The following NAV2 variants were observed in gnomAD, a reference collection of about 807,000 sequenced individuals.
The protein encoded by NAV2 is helicase, APC down-regulated 1.
In NAV2, 54 loss-of-function variants were observed where a neutral mutation model predicts 223.2. The observed-to-expected ratio is 0.24, with a 90% CI of 0.19 to 0.30. The LOEUF (loss-of-function observed/expected upper bound fraction) is 0.30. Ranked by LOEUF, NAV2 falls within the 10% of genes least tolerant of loss-of-function variation. The probability of loss-of-function intolerance (pLI) is 1.00; values close to 1 mark genes in which losing one functional copy is unlikely to be tolerated. For missense variants in NAV2, 2,806 were observed against 3,147.5 expected (o/e 0.89, Z 2.60); for synonymous variants, 1,279 against 1,239.3 (o/e 1.03, Z -0.67).
chr11:20,045,418 A>C lies in NAV2; in HGVS notation c.3650A>C (p.Asn1217Thr). Reference sequence around the variant, plus strand: ...TCTAGCACCAGCAGCATAGATTCCAACATTAGCAGCAAGTCCGCAGGCCTG... The same window carrying C: ...TCTAGCACCAGCAGCATAGATTCCACCATTAGCAGCAAGTCCGCAGGCCTG... ...NRSSTSSIDS[N>T]ISSKSAGLPV... Residue 1217 changes from asparagine (N) to threonine (T), a missense_variant, in exon 14 of 38, where the codon AAC (asparagine) becomes ACC (threonine). By Grantham distance (65) the Asn-to-Thr change is moderately conservative (BLOSUM62 0). This residue lies in a region of NAV2 where 742 missense variants were observed against 777.9 expected (regional missense o/e 0.95). Coordinates refer to ENST00000349880, the MANE Select transcript of NAV2 (RefSeq NM_145117.5). 1 of 1,614,190 alleles carries C rather than the reference A, an allele frequency of 6.2e-7. No individual in the cohort carries two copies. Among genetic ancestry groups the C allele is most frequent in the Non-Finnish European group, 8.5e-7 (1 of 1,180,016 alleles).
chr11:19,405,820 CTCT>C (rs1362763727), intron 1 of NAV2, among the ~76,000 whole-genome samples: 1 of 152,212 alleles, frequency 6.6e-6, no homozygotes, highest in Non-Finnish European at 1.5e-5. Flanking sequence ...CTCATTTTCT[CTCT>C]TCTTATTAGG....
intron 22 of NAV2, among the ~76,000 whole-genome samples, chr11:20,073,867 T>C (rs2059559190): frequency 6.6e-6 from 1 of 152,212 alleles, no homozygotes. Context: ...ATTTTGTTGA[T>C]CTTTTCAAAA....
intron 29 of NAV2, among the ~76,000 whole-genome samples, chr11:20,093,463 T>C (rs1392451981): frequency 6.6e-6 from 1 of 152,162 alleles, no homozygotes; most frequent in Non-Finnish European, 1.5e-5. Flanking sequence ...TGTAATTAAC[T>C]AAACACTAAC....
chr11:19,720,977 T>C (rs951973166), intron 1 of NAV2, among the ~76,000 whole-genome samples: 1 of 152,238 alleles, frequency 6.6e-6, no homozygotes. Context: ...GTAATTATTG[T>C]GAACAAGGCA....
At chr11:19,509,715 T>C (rs1159639976) in intron 1 of NAV2, among the ~76,000 whole-genome samples, 3 of 152,208 alleles carry the variant, frequency 2.0e-5, no homozygotes, top group Admixed American at 1.3e-4. Flanking sequence ...ATTTCATCAA[T>C]GTTTCCCCCC....
intron 10 of NAV2, among the ~76,000 whole-genome samples, chr11:19,965,502 GT>G (rs1274671104): frequency 1.3e-5 from 2 of 151,978 alleles, no homozygotes; most frequent in African/African-American, 2.4e-5. Context: ...TCTTACTATG[GT>G]TTTTCTCTCA....
At chr11:20,057,758 T>G (rs2058455790) in intron 19 of NAV2, among the ~76,000 whole-genome samples, 1 of 152,200 alleles carries the variant, frequency 6.6e-6, no homozygotes, top group Admixed American at 6.5e-5. Flanking sequence ...ACACTTCGCC[T>G]CATAAAGGTC....
chr11:20,037,540 A>C (rs1300746402), intron 12 of NAV2, among the ~76,000 whole-genome samples: 1 of 152,136 alleles, frequency 6.6e-6, no homozygotes, highest in Non-Finnish European at 1.5e-5. Flanking sequence ...AACCCAACCT[A>C]GTGACAGTGG....
At chr11:19,624,372 C>G (rs1451249109) in intron 1 of NAV2, among the ~76,000 whole-genome samples, 1 of 152,196 alleles carries the variant, frequency 6.6e-6, no homozygotes, top group Non-Finnish European at 1.5e-5. Flanking sequence ...GAGGTGGAGT[C>G]TACAGAGGCA....
At chr11:19,803,765 T>A (rs2058399615) in intron 1 of NAV2, among the ~76,000 whole-genome samples, 1 of 152,184 alleles carries the variant, frequency 6.6e-6, no homozygotes, top group Non-Finnish European at 1.5e-5. Flanking sequence ...AATGGAAAAA[T>A]TCTGCATGCA....
At chr11:19,800,355 GC>G (rs2058166836) in intron 1 of NAV2, among the ~76,000 whole-genome samples, 2 of 152,192 alleles carry the variant, frequency 1.3e-5, no homozygotes. Flanking sequence ...CTTCCAGGAG[GC>G]CAGGCAAGGC....
chr11:19,578,589 A>C (rs573960666), intron 1 of NAV2, among the ~76,000 whole-genome samples: 98 of 152,346 alleles, frequency 6.4e-4, no homozygotes, highest in Non-Finnish European at 4.4e-5. Flanking sequence ...CCTGGAGGTC[A>C]GTTCCTCCTA....
chr11:20,079,530 T>A (rs1413155966), intron 24 of NAV2, among the ~76,000 whole-genome samples: 2 of 152,188 alleles, frequency 1.3e-5, no homozygotes, highest in Non-Finnish European at 2.9e-5. Context: ...TTGTTTAGTC[T>A]ATTGGGCCTC....
intron 1 of NAV2, among the ~76,000 whole-genome samples, chr11:19,373,706 T>C (rs571618353): frequency 9.2e-5 from 14 of 152,366 alleles, no homozygotes; most frequent in African/African-American, 3.4e-4. Flanking sequence ...GTTCATTGAC[T>C]GTCTCTCTCC....
chr11:19,560,644 T>C (rs2045061335), intron 1 of NAV2, among the ~76,000 whole-genome samples: 1 of 152,260 alleles, frequency 6.6e-6, no homozygotes, highest in Admixed American at 6.5e-5. Flanking sequence ...ATATGAGCTT[T>C]ATTGCTATAC....
chr11:19,391,427 C>T (rs1021875733), intron 1 of NAV2, among the ~76,000 whole-genome samples: 13 of 152,196 alleles, frequency 8.5e-5, no homozygotes, highest in Non-Finnish European at 1.9e-4. Context: ...TCATCACCCT[C>T]GAGTTAAACC....
At chr11:19,613,734 A>G (rs930383002) in intron 1 of NAV2, among the ~76,000 whole-genome samples, 3 of 152,194 alleles carry the variant, frequency 2.0e-5, no homozygotes, top group South Asian at 2.1e-4. Context: ...TTAACTAGCT[A>G]TATGACCTTC....
At chr11:20,043,060 A>G (rs1018899009) in intron 12 of NAV2, among the ~76,000 whole-genome samples, 2 of 152,212 alleles carry the variant, frequency 1.3e-5, no homozygotes, top group African/African-American at 4.8e-5. Flanking sequence ...CATATAAATA[A>G]TGCTGGGGTC....
At chr11:19,859,908 G>C (rs1478250529) in intron 3 of NAV2, among the ~76,000 whole-genome samples, 12 of 100,154 alleles carry the variant, frequency 1.2e-4, no homozygotes, top group African/African-American at 4.5e-4. Context: ...GCGGCTGGCC[G>C]GGCAGAGGGG....
Sources: gnomAD v4.1 joint callset for allele counts (sites outside exome capture counted in the v4.1 genomes callset) on GRCh38, gnomAD v4.1.1 for gene constraint, gnomAD v4.1.1 regional missense constraint, MANE v1.5 for transcripts, NCBI Gene and HGNC (gene_info 2026-07-23, HGNC 2026-07-21) for gene names.